CDH13: variants seen among roughly 807,000 people sequenced by gnomAD.
CDH13 encodes cadherin 13.
Under a neutral mutation model 63.8 loss-of-function variants are expected in CDH13, and 24 were observed. The observed-to-expected ratio is 0.38, with a 90% CI of 0.27 to 0.53. The LOEUF is 0.53. Among genes scored for constraint, CDH13 ranks in the 20% least tolerant of loss-of-function variants. The pLI is 0.85. For missense variants in CDH13, 1,049 were observed against 903.1 expected (o/e 1.16, Z -2.07); for synonymous variants, 503 against 355.3 (o/e 1.42, Z -4.67).
chr16:83,030,717 T>C (rs1916230076), intron 2 of CDH13, among the ~76,000 whole-genome samples: 1 of 149,728 alleles, frequency 6.7e-6, no homozygotes, highest in African/African-American at 2.5e-5. Context: ...TCCTCTTCAC[T>C]GGAAGCAGAG....
At chr16:82,998,373 G>A (rs1209804332) in intron 2 of CDH13, among the ~76,000 whole-genome samples, 1 of 152,166 alleles carries the variant, frequency 6.6e-6, no homozygotes, top group Admixed American at 6.5e-5. Context: ...TCATAAATAA[G>A]CAAGAGTATC....
chr16:83,393,966 G>C (rs2091837060), intron 6 of CDH13, among the ~76,000 whole-genome samples: 1 of 152,086 alleles, frequency 6.6e-6, no homozygotes, highest in African/African-American at 2.4e-5. Flanking sequence ...TGGACCTGGA[G>C]GTCATTATCC....
At chr16:83,728,609 A>G (rs764811113) in intron 10 of CDH13, among the ~76,000 whole-genome samples, 2 of 152,180 alleles carry the variant, frequency 1.3e-5, no homozygotes, top group Non-Finnish European at 1.5e-5. Context: ...GAAAGCAAAG[A>G]TAAATAAGCG....
At chr16:83,063,812 G>A (rs75954579) in intron 3 of CDH13, among the ~76,000 whole-genome samples, 1 of 152,126 alleles carries the variant, frequency 6.6e-6, no homozygotes, top group Non-Finnish European at 1.5e-5. Context: ...AGGAGCATTT[G>A]TTCCTTGTCT....
chr16:82,700,701 C>G (rs1369769567), intron 1 of CDH13, among the ~76,000 whole-genome samples: 1 of 152,036 alleles, frequency 6.6e-6, no homozygotes. Context: ...ATCACAGCTT[C>G]TCATCCTGTT....
intron 1 of CDH13, among the ~76,000 whole-genome samples, chr16:82,733,391 C>T (rs539084386): frequency 3.0e-4 from 45 of 152,220 alleles, no homozygotes; most frequent in Middle Eastern, 6.8e-3. Context: ...ATCAAATGAT[C>T]TATTGCGTGT....
At chr16:82,812,040 G>A (rs1372065666) in intron 1 of CDH13, among the ~76,000 whole-genome samples, 1 of 152,156 alleles carries the variant, frequency 6.6e-6, no homozygotes, top group East Asian at 1.9e-4. Flanking sequence ...ACGAAGGGAT[G>A]TTATTCTTTG....
chr16:83,480,307 C>A (rs1036573051), intron 6 of CDH13, among the ~76,000 whole-genome samples: 1 of 152,162 alleles, frequency 6.6e-6, no homozygotes, highest in South Asian at 2.1e-4. Context: ...CAGAGGGAGA[C>A]CCTGTCTCAA....
chr16:83,238,222 T>TC (rs1226557728), intron 5 of CDH13, among the ~76,000 whole-genome samples: 3 of 48,698 alleles, frequency 6.2e-5, no homozygotes, highest in East Asian at 8.5e-3. Flanking sequence ...GGTAATTCAT[T>TC]TAAAAAAAAA....
chr16:82,795,883 AC>A lies in CDH13; in HGVS notation c.46-62475del, dbSNP rs1567543835. On this transcript the variant is annotated intron_variant, in intron 1 of 13. Coordinates refer to ENST00000567109, the MANE Select transcript of CDH13 (RefSeq NM_001257.5). ...CTCCATCTCTCATAGGCATTGTGGGACCCCACAAAGACTCTGTCTCTATTCG... is the reference window on the plus strand; with the variant it reads ...CTCCATCTCTCATAGGCATTGTGGGACCCACAAAGACTCTGTCTCTATTCG... Among the ~76,000 whole-genome samples, 3 of 151,038 alleles carry A rather than the reference AC, an allele frequency of 2.0e-5. No homozygotes were observed. The East Asian group carries it at 5.9e-4, about 30-fold the overall frequency.
chr16:82,734,684 A>G (rs1281624723), intron 1 of CDH13, among the ~76,000 whole-genome samples: 2 of 152,250 alleles, frequency 1.3e-5, no homozygotes, highest in African/African-American at 4.8e-5. Context: ...CAGCTATGAT[A>G]CAGACCAATG....
intron 4 of CDH13, among the ~76,000 whole-genome samples, chr16:83,202,634 T>G (rs767917017): frequency 6.6e-6 from 1 of 152,164 alleles, no homozygotes; most frequent in Admixed American, 6.5e-5. Context: ...TTAAAATTTG[T>G]CCTGAATGAT....
chr16:82,668,033 C>A (rs913923457), intron 1 of CDH13, among the ~76,000 whole-genome samples: 3 of 152,120 alleles, frequency 2.0e-5, no homozygotes, highest in Non-Finnish European at 4.4e-5. Context: ...CGCTCTGAAT[C>A]TTTAGAGATT....
At chr16:83,089,435 C>G (rs575144381) in intron 3 of CDH13, among the ~76,000 whole-genome samples, 2 of 152,226 alleles carry the variant, frequency 1.3e-5, no homozygotes, top group African/African-American at 4.8e-5. Context: ...TTGCTGCCAT[C>G]AGAGAACTTG....
chr16:83,336,622 G>A (rs1049395830), intron 5 of CDH13, among the ~76,000 whole-genome samples: 1 of 152,188 alleles, frequency 6.6e-6, no homozygotes, highest in Non-Finnish European at 1.5e-5. Context: ...TCCATTGATC[G>A]AATGTTGAAC....
chr16:83,287,828 G>C (rs1003778479), intron 5 of CDH13, among the ~76,000 whole-genome samples: 1 of 152,094 alleles, frequency 6.6e-6, no homozygotes, highest in Admixed American at 6.5e-5. Context: ...AAATAGGTTT[G>C]GGACCTCTGA....
At chr16:83,546,664 G>T (rs952414883) in intron 7 of CDH13, among the ~76,000 whole-genome samples, 5 of 152,070 alleles carry the variant, frequency 3.3e-5, no homozygotes, top group Admixed American at 2.6e-4. Flanking sequence ...GCGAAGTTTG[G>T]GGAGACCCAG....
intron 1 of CDH13, among the ~76,000 whole-genome samples, chr16:82,747,188 G>C (rs931296143): frequency 3.9e-5 from 6 of 152,166 alleles, no homozygotes; most frequent in Non-Finnish European, 5.9e-5. Context: ...ATTATTTTAT[G>C]ATGGAGAAAA....
chr16:82,839,879 A>G (rs1567588152), intron 1 of CDH13, among the ~76,000 whole-genome samples: 1 of 152,204 alleles, frequency 6.6e-6, no homozygotes, highest in South Asian at 2.1e-4. Context: ...AAGAAAAATC[A>G]GACTTACTTT....
Sources: allele counts gnomAD v4.1 joint callset (sites outside exome capture counted in the v4.1 genomes callset), GRCh38; gene constraint gnomAD v4.1.1; transcripts MANE v1.5; gene names NCBI Gene and HGNC (gene_info 2026-07-23, HGNC 2026-07-21).